The following PTGFR variants were observed in gnomAD, a reference collection of about 807,000 sequenced individuals.
PTGFR encodes the protein prostaglandin F receptor, also known as prostaglandin F2-alpha receptor.
In PTGFR, 15 loss-of-function variants were observed where a neutral mutation model predicts 26.2. The observed-to-expected ratio is 0.57, with a 90% CI of 0.38 to 0.88. The LOEUF (loss-of-function observed/expected upper bound fraction) is 0.88. Ranked by LOEUF, PTGFR falls within the 40% of genes least tolerant of loss-of-function variation. The pLI is 0.00. For missense variants in PTGFR, 369 were observed against 427.2 expected, an observed-to-expected ratio of 0.86 and a Z score of 1.20; for synonymous variants, 165 against 151.1, an observed-to-expected ratio of 1.09 and a Z score of -0.68.
chr1:78,534,875 T>C (rs1487078084), intron 2 of PTGFR, among the ~76,000 whole-genome samples: 1 of 152,214 alleles, frequency 6.6e-6, no homozygotes, highest in Non-Finnish European at 1.5e-5. Flanking sequence ...ATGAATGTAT[T>C]TGTTATTACT....
chr1:78,496,667 T>C lies in PTGFR; in HGVS notation c.798+3126T>C, dbSNP rs114076872. Among the ~76,000 whole-genome samples, 1,040 of 152,348 alleles carry C rather than the reference T, an allele frequency of 6.8e-3. 17 individuals are homozygous for C. Among genetic ancestry groups the C allele is most frequent in the African/African-American group, 0.024 (982 of 41,584 alleles). On this transcript the variant is annotated intron_variant, in intron 2 of 2. Transcript: ENST00000370757. ...AAAACTTGTCAATAGTGGCATAATTTCTAAAATCATTGAAATGTATAAATT... is the reference window on the plus strand; with the variant it reads ...AAAACTTGTCAATAGTGGCATAATTCCTAAAATCATTGAAATGTATAAATT...
At chr1:78,491,651 C>G (rs1406879001) in intron 1 of PTGFR, among the ~76,000 whole-genome samples, 4 of 152,160 alleles carry the variant, frequency 2.6e-5, no homozygotes, top group Non-Finnish European at 5.9e-5. Context: ...GGGAATGTTG[C>G]GAGGCCAGGC....
intron 2 of PTGFR, among the ~76,000 whole-genome samples, chr1:78,510,161 C>CCAGAGG (rs1270189103): frequency 3.8e-4 from 58 of 152,278 alleles, no homozygotes; most frequent in Admixed American, 6.5e-4. Context: ...TCTCTGCTAT[C>CCAGAGG]CCTCTCCTCT....
intron 2 of PTGFR, among the ~76,000 whole-genome samples, chr1:78,494,478 G>T (rs1570266852): frequency 1.3e-5 from 2 of 152,336 alleles, no homozygotes; most frequent in South Asian, 4.1e-4. Flanking sequence ...TCCAGGTGGG[G>T]TGGAAGTAAG....
intron 2 of PTGFR, among the ~76,000 whole-genome samples, chr1:78,523,131 G>A (rs1049195377): frequency 2.6e-5 from 4 of 152,002 alleles, no homozygotes; most frequent in Non-Finnish European, 5.9e-5. Flanking sequence ...CTGCTTGTTG[G>A]AGATTGCTTA....
chr1:78,524,211 C>T (rs554957731), intron 2 of PTGFR, among the ~76,000 whole-genome samples: 3 of 152,142 alleles, frequency 2.0e-5, no homozygotes, highest in African/African-American at 4.8e-5. Flanking sequence ...TTTAAACCCC[C>T]ATCCCTTCCA....
At position 78,493,329 on chromosome 1, in the gene PTGFR, T is replaced by C. The variant is rs779042598; in HGVS notation, c.586T>C (p.Trp196Arg). Residue 196 changes from tryptophan to arginine, a missense_variant, in exon 2 of 3, where the codon TGG becomes CGG. Transcript: ENST00000370757. ...CFYNTEDIKD[W>R]EDRFYLLLFS... The stretch of plus-strand genomic sequence containing the variant: ...CTACAACACAGAAGACATCAAAGAC[T>C]GGGAAGATAGATTTTATCTTCTACT... The C allele has an allele frequency of 6.2e-7, 1 of 1,614,184 alleles. No individual in the cohort carries two copies. The highest frequency in any genetic ancestry group is 8.5e-7 in the Non-Finnish European group (1 of 1,180,016).
rs1216369674 is a variant in PTGFR, at chr1:78,492,735, T to A, written c.-9T>A. ...ATGACTTGAGTGGTTGGCTTTTATC[T>A]CCACAACAATGTCCATGAACAATTC... On this transcript the variant is annotated 5_prime_UTR_variant, in exon 2 of 3. Transcript: ENST00000370757. The A allele has an allele frequency of 6.2e-7, 1 of 1,600,312 alleles. No homozygotes were observed. The highest frequency in any genetic ancestry group is 1.3e-5 in the African/African-American group (1 of 74,590).
chr1:78,519,422 A>G (rs1470193052), intron 2 of PTGFR, among the ~76,000 whole-genome samples: 1 of 152,172 alleles, frequency 6.6e-6, no homozygotes, highest in Non-Finnish European at 1.5e-5. Flanking sequence ...CTGATTTAAT[A>G]AGATAATCTT....
At chr1:78,526,210 T>C (rs1005518823) in intron 2 of PTGFR, among the ~76,000 whole-genome samples, 13 of 152,142 alleles carry the variant, frequency 8.5e-5, no homozygotes, top group African/African-American at 3.1e-4. Flanking sequence ...TGGTCTCCTA[T>C]TCAGCAATAG....
intron 2 of PTGFR, among the ~76,000 whole-genome samples, chr1:78,534,362 A>G (rs1557660144): frequency 6.6e-6 from 1 of 152,108 alleles, no homozygotes; most frequent in African/African-American, 2.4e-5. Flanking sequence ...TTCTGACCCC[A>G]GCTCCCACAT....
At chr1:78,518,729 AT>A (rs1446292902) in intron 2 of PTGFR, among the ~76,000 whole-genome samples, 5 of 152,056 alleles carry the variant, frequency 3.3e-5, no homozygotes, top group African/African-American at 4.8e-5. Context: ...AATTAAAAAA[AT>A]TTTTTTCATG....
intron 2 of PTGFR, among the ~76,000 whole-genome samples, chr1:78,523,761 T>C (rs147716150): frequency 1.1e-3 from 163 of 152,288 alleles, no homozygotes; most frequent in African/African-American, 3.8e-3. Flanking sequence ...GTGGTTTAAA[T>C]GATAACTTGT....
intron 2 of PTGFR, among the ~76,000 whole-genome samples, chr1:78,501,977 A>C (rs1649717272): frequency 6.6e-6 from 1 of 152,204 alleles, no homozygotes; most frequent in African/African-American, 2.4e-5. Flanking sequence ...ATCCCAATGA[A>C]AAATAATCAT....
At position 78,492,984 on chromosome 1, in the gene PTGFR, C is replaced by CATCT. The variant is rs778200974; in HGVS notation, c.242_245dup (p.Ile83SerfsTer14). 2 of 1,614,200 alleles carry CATCT rather than the reference C, an allele frequency of 1.2e-6. No homozygotes were observed. Among genetic ancestry groups the CATCT allele is most frequent in the Non-Finnish European group, 1.7e-6 (2 of 1,180,034 alleles). ...CCTGGTAATCACTGATTTCTTTGGC[C>CATCT]ATCTCATCAATGGAGCCATAGCAGT... On this transcript the variant is annotated frameshift_variant, in exon 2 of 3. Transcript: ENST00000370757. LOFTEE classifies it high-confidence loss of function.
intron 2 of PTGFR, among the ~76,000 whole-genome samples, chr1:78,516,134 C>G (rs769768379): frequency 6.6e-6 from 1 of 152,112 alleles, no homozygotes; most frequent in Non-Finnish European, 1.5e-5. Flanking sequence ...ACCACACGCA[C>G]AACTCCTACT....
chr1:78,507,230 G>A (rs12741637), intron 2 of PTGFR, among the ~76,000 whole-genome samples: 1 of 152,098 alleles, frequency 6.6e-6, no homozygotes, highest in Non-Finnish European at 1.5e-5. Flanking sequence ...ACTGGGGTGT[G>A]TTTTCAGACT....
chr1:78,500,630 C>G (rs1305349931), intron 2 of PTGFR, among the ~76,000 whole-genome samples: 1 of 152,242 alleles, frequency 6.6e-6, no homozygotes, highest in Admixed American at 6.5e-5. Context: ...ACTTCACACA[C>G]TCTCTGGAAA....
chr1:78,512,462 A>G (rs1649995218), intron 2 of PTGFR, among the ~76,000 whole-genome samples: 1 of 152,140 alleles, frequency 6.6e-6, no homozygotes, highest in South Asian at 2.1e-4. Flanking sequence ...GGCATGTCAC[A>G]GGTGAGAGAG....
Sources: gnomAD v4.1 joint callset for allele counts (sites outside exome capture counted in the v4.1 genomes callset) on GRCh38, gnomAD v4.1.1 for gene constraint, MANE v1.5 for transcripts, NCBI Gene and HGNC (gene_info 2026-07-23, HGNC 2026-07-21) for gene names.